Variants in BSN observed in about 807,000 individuals in gnomAD.
The protein encoded by BSN is protein bassoon.
A neutral mutation model predicts 264.8 loss-of-function variants in BSN; 57 were observed. The observed-to-expected ratio is 0.22, with a 90% CI of 0.17 to 0.27. The LOEUF (loss-of-function observed/expected upper bound fraction) is 0.27. BSN is among the 10% of genes least tolerant of loss of function. BSN has a pLI of 1.00. For missense variants in BSN, 4,615 were observed against 5,232.5 expected (o/e 0.88, Z 3.64); for synonymous variants, 2,059 against 2,137.3 (o/e 0.96, Z 1.01).
chr3:49,661,357 T>G lies in BSN; in HGVS notation c.9512T>G (p.Met3171Arg), dbSNP rs774392781. 1 of 1,614,008 alleles carries G rather than the reference T, an allele frequency of 6.2e-7. No individual in the cohort carries two copies. Among genetic ancestry groups the G allele is most frequent in the Non-Finnish European group, 8.5e-7 (1 of 1,180,036 alleles). The change falls in exon 6 of 12, where the codon ATG (methionine) becomes AGG (arginine). Residue 3171 changes from methionine to arginine, a missense_variant. Coordinates refer to ENST00000296452, the MANE Select transcript of BSN (RefSeq NM_003458.4). The stretch of plus-strand genomic sequence containing the variant: ...GTGATCGCCAGCCCCGTTGTGCCCA[T>G]GTCTTCAGCCCCATCTGAAACCAGC... ...YEVIASPVVP[M>R]SSAPSETSYS...
Position 49,651,951 on chromosome 3 carries a change from A to G in BSN, c.2395A>G (p.Thr799Ala), listed in dbSNP as rs762600853. 1.4e-5 allele frequency: 23 copies of G among 1,613,360 alleles called. No individual in the cohort carries two copies. The highest frequency in any genetic ancestry group is 1.3e-4 in the African/African-American group (10 of 74,930). ...EWRRRREQQDTAESSDDFGSQ... is the reference protein window; with the variant it reads ...EWRRRREQQDAAESSDDFGSQ... ...GAGGCGCCGGAGAGAGCAGCAGGAC[A>G]CTGCCGAGTCCTCAGACGACTTTGG... The change falls in exon 5 of 12, where the codon ACT becomes GCT. Residue 799 changes from threonine (T) to alanine (A), a missense_variant. By Grantham distance (58) the Thr-to-Ala change is moderately conservative. Transcript: ENST00000296452. This position sits in a 1 kb window ranked among gnomAD's most constrained non-coding sequence, Gnocchi z 5.4.
rs753181691 is a variant in BSN at position 49,652,977 on chromosome 3, G to C, written c.3421G>C (p.Gly1141Arg). 17 of 1,613,016 alleles carry C rather than the reference G, an allele frequency of 1.1e-5. No individual in the cohort carries two copies. In the East Asian group the frequency reaches 3.8e-4, roughly 36 times the overall value. The change falls in exon 5 of 12, where the codon GGT becomes CGT. Residue 1141 changes from glycine (G) to arginine (R), a missense_variant. This residue lies in a region of BSN where 3,415 missense variants were observed against 3,866.4 expected (regional missense o/e 0.88). Coordinates refer to ENST00000296452, the MANE Select transcript of BSN (RefSeq NM_003458.4). ...TGACTCTGAGGCTGAGGCCTTGGAT[G>C]GTGGCCCTAGCCGGCTTTACAAGTC... ...SLDSEAEALD[G>R]GPSRLYKSGS... is the part of the protein sequence containing the mutation.
chr3:49,580,235 C>T (rs867542904), intron 1 of BSN, among the ~76,000 whole-genome samples: 7 of 152,074 alleles, frequency 4.6e-5, no homozygotes, highest in Non-Finnish European at 7.4e-5. Context: ...CATGTGCCAC[C>T]ACATCCAATT....
At chr3:49,626,440 G>A (rs1206618868) in intron 2 of BSN, among the ~76,000 whole-genome samples, 2 of 152,130 alleles carry the variant, frequency 1.3e-5, no homozygotes, top group Non-Finnish European at 2.9e-5. Flanking sequence ...GTTTGTGAGA[G>A]GTAAGTGTGA....
Position 49,655,962 on chromosome 3 carries a change from A to C in BSN, c.6406A>C (p.Ser2136Arg). Reference sequence around the variant, plus strand: ...CCAGCCCCAGCACGGGCCCGGGCTCAGTGCTCCACAGAGTCTGGTTCCCCT... The same window carrying C: ...CCAGCCCCAGCACGGGCCCGGGCTCCGTGCTCCACAGAGTCTGGTTCCCCT... ...QYQPQHGPGL[S>R]APQSLVPLRP... is the part of the protein sequence containing the mutation. The change falls in exon 5 of 12, where the codon AGT (serine) becomes CGT (arginine). Residue 2136 changes from serine to arginine, a missense_variant. By Grantham distance (110) the Ser-to-Arg change is moderately radical (BLOSUM62 -1). Transcript: ENST00000296452. 3 of 1,610,020 alleles carry C rather than the reference A, an allele frequency of 1.9e-6. No individual in the cohort carries two copies. The South Asian group carries it at 3.3e-5, about 18-fold the overall frequency.
At chr3:49,640,168 T>C (rs1186392171) in intron 2 of BSN, among the ~76,000 whole-genome samples, 1 of 152,244 alleles carries the variant, frequency 6.6e-6, no homozygotes, top group Non-Finnish European at 1.5e-5. Flanking sequence ...GAGAACAACC[T>C]TGGCCTCCAG....
chr3:49,652,701 G>GAAGAGGAGCTGCTTCGTGAGC lies in BSN; in HGVS notation c.3151_3171dup (p.Glu1051_Glu1057dup). ...CTCAGAGGAGGAGGAGCTGCGGGAG[G>GAAGAGGAGCTGCTTCGTGAGC]AAGAGGAGCTGCTTCGTGAGCAAGA... On this transcript the variant is annotated inframe_insertion, in exon 5 of 12. Coordinates refer to ENST00000296452, the MANE Select transcript of BSN (RefSeq NM_003458.4). 6.4e-7 allele frequency: 1 copy of GAAGAGGAGCTGCTTCGTGAGC among 1,574,620 alleles called. No individual in the cohort carries two copies. Among genetic ancestry groups the GAAGAGGAGCTGCTTCGTGAGC allele is most frequent in the Non-Finnish European group, 8.6e-7 (1 of 1,160,436 alleles).
chr3:49,588,976 G>A (rs1198032663), intron 1 of BSN, among the ~76,000 whole-genome samples: 5 of 150,460 alleles, frequency 3.3e-5, no homozygotes, highest in Admixed American at 1.3e-4. Context: ...GTGCAGTGGC[G>A]CGATCTCCAC....
At chr3:49,617,369 C>T (rs550421155) in intron 1 of BSN, among the ~76,000 whole-genome samples, 1 of 150,522 alleles carries the variant, frequency 6.6e-6, no homozygotes, top group African/African-American at 2.5e-5. Context: ...CCCTGTTTGA[C>T]TTCTAGCCAC....
In BSN at chr3:49,642,517, G is replaced by T; in HGVS notation, c.883G>T (p.Ala295Ser). 6.3e-7 allele frequency: 1 copy of T among 1,575,006 alleles called. No homozygotes were observed. The highest frequency in any genetic ancestry group is 8.6e-7 in the Non-Finnish European group (1 of 1,159,744). ...AGTGCCGGGGCCTGCCCAAGCAGCT[G>T]CCCCTCCAGAGGTGGGGAGGGTGTC... is the stretch of plus-strand genomic sequence containing the variant. ...TSVPGPAQAAAPPEVGRVSPQ... is the reference protein window; with the variant it reads ...TSVPGPAQAASPPEVGRVSPQ... Residue 295 changes from alanine (A) to serine (S), a missense_variant, in exon 3 of 12, where the codon GCC (alanine) becomes TCC (serine). Ala to Ser is a moderately conservative substitution (Grantham distance 99). Around this residue, in one of 3 missense-constraint regions of BSN, gnomAD observed 1,197 missense variants for 1,348.0 expected, o/e 0.89. Transcript: ENST00000296452. The surrounding 1 kb of genome is among the most constrained non-coding windows in gnomAD (Gnocchi z 7.0).
chr3:49,642,633 C>A lies in BSN; in HGVS notation c.999C>A (p.Pro333=). ...CGGCCAAAAGTGCCACCGCAGTGCCCGCTGGGCTTGGTGCCACTGAGCAGA... is the reference window on the plus strand; with the variant it reads ...CGGCCAAAAGTGCCACCGCAGTGCCAGCTGGGCTTGGTGCCACTGAGCAGA... ...EAPAKSATAV[P]AGLGATEQTQ... The change falls in exon 3 of 12, where the codon CCC becomes CCA. Residue 333 remains proline, a synonymous_variant. Coordinates refer to ENST00000296452, the MANE Select transcript of BSN (RefSeq NM_003458.4). The surrounding 1 kb of genome is among the most constrained non-coding windows in gnomAD (Gnocchi z 7.0). 1 of 1,602,930 alleles carries A rather than the reference C, an allele frequency of 6.2e-7. No homozygotes were observed.
At chr3:49,624,909 G>T in intron 1 of BSN, 66 bp from the exon 2 acceptor site, 3 of 1,439,920 alleles carry the variant, frequency 2.1e-6, no homozygotes, top group Non-Finnish European at 2.8e-6. Context: ...ACCTAGCTTG[G>T]TAGAGACCTC....
At chr3:49,622,783 C>T (rs2052315630) in intron 1 of BSN, among the ~76,000 whole-genome samples, 1 of 152,160 alleles carries the variant, frequency 6.6e-6, no homozygotes, top group African/African-American at 2.4e-5. Context: ...TGAAAGGGCC[C>T]AGAGAAGCCC....
At chr3:49,557,119 A>G (rs1459010199) in intron 1 of BSN, among the ~76,000 whole-genome samples, 2 of 152,214 alleles carry the variant, frequency 1.3e-5, no homozygotes, top group Non-Finnish European at 1.5e-5. Context: ...TGCCACACCC[A>G]TAGTGGTGCC....
At chr3:49,648,865 C>T (rs2052518750) in intron 3 of BSN, among the ~76,000 whole-genome samples, 1 of 152,252 alleles carries the variant, frequency 6.6e-6, no homozygotes, top group South Asian at 2.1e-4. Flanking sequence ...CCCTCCACAG[C>T]TGGGCCACTG....
intron 2 of BSN, among the ~76,000 whole-genome samples, chr3:49,634,412 AT>A (rs1219702826): frequency 3.3e-5 from 5 of 151,036 alleles, no homozygotes; most frequent in South Asian, 2.1e-4. Flanking sequence ...ACAATGCAAA[AT>A]TTTTTTTTTA....
intron 1 of BSN, among the ~76,000 whole-genome samples, chr3:49,560,535 C>T (rs1343429094): frequency 6.6e-6 from 1 of 152,230 alleles, no homozygotes; most frequent in East Asian, 1.9e-4. Flanking sequence ...TGCATGCCTA[C>T]AGCAAGGGCT....
At position 49,656,282 on chromosome 3, in the gene BSN, A is replaced by G. The variant is rs1289055421; in HGVS notation, c.6726A>G (p.Thr2242=). Residue 2242 remains threonine (T), a synonymous_variant, in exon 5 of 12, where the codon ACA becomes ACG. Coordinates refer to ENST00000296452, the MANE Select transcript of BSN (RefSeq NM_003458.4). ...GITAVPLTSL[T]RVPMIAPRVP... ...CAGCCGTGCCACTCACCAGTCTGAC[A>G]CGTGTGCCCATGATTGCCCCCCGGG... is the stretch of plus-strand genomic sequence containing the variant. 8 of 1,613,032 alleles carry G rather than the reference A, an allele frequency of 5.0e-6. No homozygotes were observed. Among genetic ancestry groups the G allele is most frequent in the Admixed American group, 1.7e-5 (1 of 59,972 alleles).
In BSN at chr3:49,655,912, G is replaced by T. The variant is rs764674830; in HGVS notation, c.6356G>T (p.Gly2119Val). 3 of 1,612,136 alleles carry T rather than the reference G, an allele frequency of 1.9e-6. No homozygotes were observed. The Admixed American group carries it at 5.0e-5, about 27-fold the overall frequency. The change falls in exon 5 of 12, where the codon GGT (glycine) becomes GTT (valine). Residue 2119 changes from glycine to valine, a missense_variant. This residue lies in a region of BSN where 3,415 missense variants were observed against 3,866.4 expected (regional missense o/e 0.88). Transcript: ENST00000296452. ...TATGGTGGGCGGCATGGCAGTGGTGGTGGTGGCCCTGACCTTGTGCAGTAC... is the reference window on the plus strand; with the variant it reads ...TATGGTGGGCGGCATGGCAGTGGTGTTGGTGGCCCTGACCTTGTGCAGTAC... ...DQYGGRHGSG[G>V]GGPDLVQYQP...
Sources: gnomAD v4.1 joint callset for allele counts (sites outside exome capture counted in the v4.1 genomes callset) on GRCh38, gnomAD v4.1.1 for gene constraint, gnomAD v4.1.1 regional missense constraint, Gnocchi (gnomAD v3.1) non-coding constraint, MANE v1.5 for transcripts, NCBI Gene and HGNC (gene_info 2026-07-23, HGNC 2026-07-21) for gene names.